Variants in FAM227A observed in about 807,000 individuals in gnomAD.
The protein encoded by FAM227A is family with sequence similarity 227 member A.
Under a neutral mutation model 74.7 loss-of-function variants are expected in FAM227A, and 80 were observed. The observed-to-expected ratio is 1.07, with a 90% confidence interval of 0.89 to 1.29. The LOEUF (loss-of-function observed/expected upper bound fraction) is 1.29, where lower values mean the gene tolerates loss of function less well. Ranked by LOEUF, FAM227A falls within the 50% of genes most tolerant of loss-of-function variation. FAM227A has a pLI of 0.00. For synonymous variants in FAM227A, 237 were observed against 241.8 expected (o/e 0.98, Z 0.19); for missense variants, 654 against 683.4 (o/e 0.96, Z 0.48).
At chr22:38,619,657 T>G (rs1014974843) in intron 11 of FAM227A, among the ~76,000 whole-genome samples, 1 of 152,000 alleles carries the variant, frequency 6.6e-6, no homozygotes, top group Non-Finnish European at 1.5e-5. Flanking sequence ...GGGGATAGGA[T>G]AGGGTCAGGT....
At position 38,582,336 on chromosome 22, in the gene FAM227A, C is replaced by A. The variant is rs1457372452; in HGVS notation, c.*3789G>T. The A allele has an allele frequency of 1.9e-6, 3 of 1,548,998 alleles. No homozygotes were observed. The South Asian group carries it at 3.6e-5, about 18-fold the overall frequency. On this transcript the variant is annotated 3_prime_UTR_variant, in exon 17 of 17. Coordinates refer to ENST00000535113, the MANE Select transcript of FAM227A (RefSeq NM_001013647.2). Reference sequence around the variant, plus strand: ...AATCAGGACTATAGGATTTTAACTTCATCTCTTCTAGTTTAACATCTGAAT... The same window carrying A: ...AATCAGGACTATAGGATTTTAACTTAATCTCTTCTAGTTTAACATCTGAAT...
At position 38,599,805 on chromosome 22, in the gene FAM227A, C is replaced by T. The variant is rs552170221; in HGVS notation, c.1338G>A (p.Lys446=). 2 of 1,551,452 alleles carry T rather than the reference C, an allele frequency of 1.3e-6. 1 individual carries two copies. The highest frequency in any genetic ancestry group is 2.7e-5 in the African/African-American group (2 of 73,148). The part of the protein sequence containing the change: ...QNYASLQQHG[K]NVLIVRREKT... ...TTTCCCTTCTGACTATCAACACATTCTTGCCGTGCTGCTGCAGACTGGCAT... is the reference window on the plus strand; with the variant it reads ...TTTCCCTTCTGACTATCAACACATTTTTGCCGTGCTGCTGCAGACTGGCAT... The change falls in exon 14 of 17, where the codon AAG becomes AAA. Residue 446 remains lysine, a synonymous_variant. Transcript: ENST00000535113.
chr22:38,629,657 GGTGCCTCTCCTTTACCATCAGGAAGC>G (rs776600333), intron 6 of FAM227A, among the ~76,000 whole-genome samples: 19 of 152,284 alleles, frequency 1.2e-4, no homozygotes, highest in Middle Eastern at 3.4e-3. Flanking sequence ...CTCACACACA[GGTGCCTCTCCTTTACCATCAGGAAGC>G]GTGCCTCTTC....
At chr22:38,625,769 C>A (rs1467860901) in intron 9 of FAM227A, among the ~76,000 whole-genome samples, 3 of 151,938 alleles carry the variant, frequency 2.0e-5, no homozygotes, top group African/African-American at 7.3e-5. Context: ...CATGGTGAAA[C>A]CCTGTCTCTA....
intron 6 of FAM227A, among the ~76,000 whole-genome samples, chr22:38,631,421 T>C (rs2091913542): frequency 6.6e-6 from 1 of 151,952 alleles, no homozygotes; most frequent in South Asian, 2.1e-4. Flanking sequence ...GGTTGAAAAA[T>C]AACTTGTCTG....
chr22:38,582,242 C>A lies in FAM227A; in HGVS notation c.*3883G>T. 8.4e-7 allele frequency: 1 copy of A among 1,195,584 alleles called. No homozygotes were observed. The highest frequency in any genetic ancestry group is 1.4e-5 in the South Asian group (1 of 69,008). 74.1% of individuals were successfully genotyped at this position (1,195,584 alleles called of 1,614,324 possible). A position where few individuals can be genotyped will look rare whatever the true frequency, so the allele number is the denominator to read the frequency against. On this transcript the variant is annotated 3_prime_UTR_variant, in exon 17 of 17. Coordinates refer to ENST00000535113, the MANE Select transcript of FAM227A (RefSeq NM_001013647.2). ...TCCCTCCTATCCCCTCTCCAGCTAT[C>A]CCTCCTGTTCTTCAGGAAACTGTAT... is the stretch of plus-strand genomic sequence containing the variant.
chr22:38,624,546 GGAA>G (rs1165792334), intron 9 of FAM227A, among the ~76,000 whole-genome samples: 4 of 152,184 alleles, frequency 2.6e-5, no homozygotes, highest in Non-Finnish European at 5.9e-5. Flanking sequence ...CTCTCTTAAC[GGAA>G]GAAGAATGGC....
At chr22:38,597,695 T>C (rs577481734) in intron 14 of FAM227A, among the ~76,000 whole-genome samples, 20 of 152,230 alleles carry the variant, frequency 1.3e-4, no homozygotes, top group African/African-American at 3.9e-4. Context: ...CAGCGGTGAA[T>C]AGGAAGGGCT....
At chr22:38,596,784 GA>G (rs1373852996) in intron 15 of FAM227A, among the ~76,000 whole-genome samples, 2 of 151,978 alleles carry the variant, frequency 1.3e-5, no homozygotes, top group African/African-American at 4.8e-5. Context: ...GAAGACAGAG[GA>G]AAATGTCCAT....
chr22:38,609,749 A>G (rs933704822), intron 11 of FAM227A, among the ~76,000 whole-genome samples: 3 of 151,878 alleles, frequency 2.0e-5, no homozygotes, highest in East Asian at 1.9e-4. Context: ...TGAAGCATCA[A>G]TGCTCATTCT....
chr22:38,619,882 G>A (rs946735658), intron 11 of FAM227A, among the ~76,000 whole-genome samples: 1 of 152,102 alleles, frequency 6.6e-6, no homozygotes, highest in Admixed American at 6.6e-5. Flanking sequence ...AGGGATGACT[G>A]CTAGGTTTCA....
In FAM227A at chr22:38,579,525, T is replaced by A. The variant is rs1157044419; in HGVS notation, c.*6600A>T. Reference sequence around the variant, plus strand: ...CACAATGAAAGTGTGTAAAATATGCTTAGAAGTGTCCATGGTAGATGCCTT... The same window carrying A: ...CACAATGAAAGTGTGTAAAATATGCATAGAAGTGTCCATGGTAGATGCCTT... On this transcript the variant is annotated 3_prime_UTR_variant, in exon 17 of 17. Transcript: ENST00000535113. 1 of 152,184 alleles carries A rather than the reference T, an allele frequency of 6.6e-6. No homozygotes were observed. The highest frequency in any genetic ancestry group is 1.5e-5 in the Non-Finnish European group (1 of 68,036). 9.4% of individuals were successfully genotyped at this position (152,184 alleles called of 1,614,324 possible). A position where few individuals can be genotyped will look rare whatever the true frequency, so the allele number is the denominator to read the frequency against.
chr22:38,630,547 C>T (rs1324493115), intron 6 of FAM227A, among the ~76,000 whole-genome samples: 6 of 152,156 alleles, frequency 3.9e-5, no homozygotes, highest in East Asian at 3.8e-4. Flanking sequence ...TGTGGAGGTT[C>T]GATGAGTGGT....
intron 9 of FAM227A, among the ~76,000 whole-genome samples, chr22:38,624,372 A>C (rs2091752541): frequency 6.6e-6 from 1 of 151,946 alleles, no homozygotes; most frequent in Admixed American, 6.6e-5. Context: ...ATGGGCAATA[A>C]GAGCAAAACT....
At chr22:38,612,320 A>G (rs959563295) in intron 11 of FAM227A, among the ~76,000 whole-genome samples, 2 of 152,160 alleles carry the variant, frequency 1.3e-5, no homozygotes, top group Non-Finnish European at 2.9e-5. Context: ...CCCTGCCAAC[A>G]TCCCAGCCTT....
At chr22:38,636,806 T>C (rs2092017142) in intron 5 of FAM227A, among the ~76,000 whole-genome samples, 1 of 150,804 alleles carries the variant, frequency 6.6e-6, no homozygotes, top group African/African-American at 2.4e-5. Flanking sequence ...AATTTCACTC[T>C]TGTTGTCCAG....
chr22:38,620,526 C>T (rs1038251443), intron 10 of FAM227A, among the ~76,000 whole-genome samples: 6 of 152,056 alleles, frequency 3.9e-5, no homozygotes, highest in Non-Finnish European at 8.8e-5. Context: ...TGCACAGGGC[C>T]GGCGCGGTGG....
intron 6 of FAM227A, among the ~76,000 whole-genome samples, chr22:38,629,643 C>T (rs1003360384): frequency 1.3e-5 from 2 of 152,204 alleles, no homozygotes; most frequent in African/African-American, 4.8e-5. Context: ...AGCCTGGGCC[C>T]AGACTCACAC....
In FAM227A at chr22:38,621,349, C is replaced by CAA. The variant is rs35716573; in HGVS notation, c.959-1060_959-1059dup. Among the ~76,000 whole-genome samples, 694 of 79,098 alleles carry CAA rather than the reference C, an allele frequency of 8.8e-3. 10 individuals carry two copies. The highest frequency in any genetic ancestry group is 0.026 in the African/African-American group (511 of 19,746). 51.9% of individuals were successfully genotyped at this position (79,098 alleles called of 152,430 possible). A position where few individuals can be genotyped will look rare whatever the true frequency, so the allele number is the denominator to read the frequency against. On this transcript the variant is annotated intron_variant, in intron 10 of 16. Transcript: ENST00000535113. ...TGGGTGACACAGAAAGACTCTGTCT[C>CAA]AAAAAAAAAAAAAAGAAAGAAAAGA...
Sources: gnomAD v4.1 joint callset for allele counts (sites outside exome capture counted in the v4.1 genomes callset) on GRCh38, gnomAD v4.1.1 for gene constraint, MANE v1.5 for transcripts, NCBI Gene and HGNC (gene_info 2026-07-23, HGNC 2026-07-21) for gene names.